Variants in ST8SIA1 observed in about 807,000 individuals in gnomAD.
The protein encoded by ST8SIA1 is ST8 alpha-N-acetyl-neuraminide alpha-2,8-sialyltransferase 1.
ST8SIA1 carries 16 observed loss-of-function variants against 35.9 expected under a neutral mutation model. The ratio of observed to expected loss-of-function variants is 0.45; its 90% CI spans 0.30 to 0.68. The LOEUF is 0.68. ST8SIA1 is among the 30% of genes least tolerant of loss of function. The probability of loss-of-function intolerance (pLI) is 0.09; values close to 1 mark genes in which losing one functional copy is unlikely to be tolerated. For missense variants in ST8SIA1, 383 were observed against 453.6 expected (o/e 0.84, Z 1.41); for synonymous variants, 170 against 169.6 (o/e 1.00, Z -0.02).
intron 2 of ST8SIA1, among the ~76,000 whole-genome samples, chr12:22,280,625 C>G (rs956701839): frequency 2.0e-5 from 3 of 152,194 alleles, no homozygotes; most frequent in African/African-American, 7.2e-5. Flanking sequence ...CATAGACAAC[C>G]TGCAAATTTT....
intron 4 of ST8SIA1, among the ~76,000 whole-genome samples, chr12:22,206,255 A>C (rs909370786): frequency 6.6e-6 from 1 of 152,206 alleles, no homozygotes; most frequent in Non-Finnish European, 1.5e-5. Context: ...ACCTCAAAAA[A>C]ACAGACAGTT....
In ST8SIA1 at chr12:22,198,459, C is replaced by A. The variant is rs1865013067; in HGVS notation, c.*3093G>T. 1 of 150,688 alleles carries A rather than the reference C, an allele frequency of 6.6e-6. No individual in the cohort carries two copies. The highest frequency in any genetic ancestry group is 1.5e-5 in the Non-Finnish European group (1 of 67,730). 9.3% of individuals were successfully genotyped at this position (150,688 alleles called of 1,614,324 possible). A position where few individuals can be genotyped will look rare whatever the true frequency, so the allele number is the denominator to read the frequency against. On this transcript the variant is annotated 3_prime_UTR_variant, in exon 5 of 5. Coordinates refer to ENST00000396037, the MANE Select transcript of ST8SIA1 (RefSeq NM_003034.4). ...TTCCAGAGCACTCTACAGGATGATT[C>A]TAGCGAGGTCCTTACTTAGGAACAC...
intron 1 of ST8SIA1, chr12:22,325,407 G>A (rs1237074762): frequency 1.4e-6 from 1 of 701,094 alleles, no homozygotes; most frequent in South Asian, 1.5e-5. Flanking sequence ...CACCTAATTA[G>A]AGCGACACAG....
At chr12:22,272,629 G>A (rs540470992) in intron 2 of ST8SIA1, among the ~76,000 whole-genome samples, 1 of 152,206 alleles carries the variant, frequency 6.6e-6, no homozygotes, top group Non-Finnish European at 1.5e-5. Context: ...AAAGATACTG[G>A]TATTATAATA....
intron 1 of ST8SIA1, among the ~76,000 whole-genome samples, chr12:22,321,752 C>T (rs1866605083): frequency 6.6e-6 from 1 of 152,166 alleles, no homozygotes; most frequent in Non-Finnish European, 1.5e-5. Context: ...TATTAGGAAA[C>T]AATAAAGTGA....
intron 1 of ST8SIA1, 106 bp downstream of exon 1, chr12:22,333,891 G>A: frequency 2.1e-6 from 2 of 964,204 alleles, no homozygotes; most frequent in South Asian, 1.3e-5. Flanking sequence ...CGGATGAAAG[G>A]GATGCCTCTG....
intron 4 of ST8SIA1, chr12:22,223,795 C>T: frequency 2.4e-6 from 3 of 1,250,750 alleles, no homozygotes; most frequent in Non-Finnish European, 3.1e-6. Flanking sequence ...CCCATTTATG[C>T]TTAGGCTAGT....
chr12:22,252,367 C>T (rs1170383846), intron 3 of ST8SIA1, among the ~76,000 whole-genome samples: 1 of 151,998 alleles, frequency 6.6e-6, no homozygotes, highest in Non-Finnish European at 1.5e-5. Context: ...TATAATATCT[C>T]GATACATTAA....
chr12:22,222,872 T>G (rs1475368272), intron 4 of ST8SIA1, among the ~76,000 whole-genome samples: 1 of 152,112 alleles, frequency 6.6e-6, no homozygotes, highest in East Asian at 1.9e-4. Flanking sequence ...TAAATTCCAG[T>G]CTAAATGACT....
intron 1 of ST8SIA1, among the ~76,000 whole-genome samples, chr12:22,307,357 C>T (rs950335405): frequency 6.6e-6 from 1 of 152,128 alleles, no homozygotes; most frequent in African/African-American, 2.4e-5. Flanking sequence ...AGAAACCCTC[C>T]AATATCTTGG....
rs186463455 is a variant in ST8SIA1, at chr12:22,209,803, T to C, written c.585-7765A>G. ...TTTATATTTTCTTCCTCAGATATAT[T>C]TTAATATACATCTTTACTGTCTCTG... On this transcript the variant is annotated intron_variant, in intron 4 of 4. Coordinates refer to ENST00000396037, the MANE Select transcript of ST8SIA1 (RefSeq NM_003034.4). Among the ~76,000 whole-genome samples the C allele has an allele frequency of 4.8e-4, 73 of 152,328 alleles. No homozygotes were observed. The East Asian group carries it at 7.1e-3, about 15-fold the overall frequency.
At position 22,200,567 on chromosome 12, in the gene ST8SIA1, A is replaced by AT. The variant is rs143214660; in HGVS notation, c.*984dup. On this transcript the variant is annotated 3_prime_UTR_variant, in exon 5 of 5. Coordinates refer to ENST00000396037, the MANE Select transcript of ST8SIA1 (RefSeq NM_003034.4). ...GCTCAATTCATTCTTGCATGTATGC[A>AT]TACATGTCCTTTACCTTGCAGTGAA... 5.9e-5 allele frequency: 9 copies of AT among 152,382 alleles called. No individual in the cohort carries two copies. In the East Asian group the frequency reaches 1.7e-3, roughly 29 times the overall value. 9.4% of individuals were successfully genotyped at this position (152,382 alleles called of 1,614,324 possible).
chr12:22,277,706 C>T (rs1271743214), intron 2 of ST8SIA1, among the ~76,000 whole-genome samples: 2 of 152,054 alleles, frequency 1.3e-5, no homozygotes, highest in Admixed American at 6.6e-5. Flanking sequence ...GTATAGATAA[C>T]AGATGATAAA....
intron 2 of ST8SIA1, among the ~76,000 whole-genome samples, chr12:22,266,820 C>T (rs1240709586): frequency 6.7e-6 from 1 of 149,384 alleles, no homozygotes; most frequent in Non-Finnish European, 1.5e-5. Flanking sequence ...TGTACACATA[C>T]TCACACCCAC....
rs1866110332 is a variant in ST8SIA1, at chr12:22,287,164, G to A, written c.366C>T (p.Tyr122=). 2 of 1,613,980 alleles carry A rather than the reference G, an allele frequency of 1.2e-6. No homozygotes were observed. Among genetic ancestry groups the A allele is most frequent in the Non-Finnish European group, 1.7e-6 (2 of 1,179,884 alleles). The change falls in exon 2 of 5, where the codon TAC becomes TAT. Residue 122 remains tyrosine, a synonymous_variant. Coordinates refer to ENST00000396037, the MANE Select transcript of ST8SIA1 (RefSeq NM_003034.4). ...LYSFTIDNST[Y]SLFPQATPFQ... is the part of the protein sequence containing the mutation. ...CTATACTAACCTGTGGGAAGAGAGA[G>A]TAAGTTGAATTGTCAATGGTGAATG...
intron 4 of ST8SIA1, among the ~76,000 whole-genome samples, chr12:22,244,939 T>C (rs1865582799): frequency 6.6e-6 from 1 of 152,206 alleles, no homozygotes; most frequent in African/African-American, 2.4e-5. Context: ...CTGTCATATA[T>C]ACTGGTTTAT....
chr12:22,211,098 AAATTT>A (rs1865170945), intron 4 of ST8SIA1, among the ~76,000 whole-genome samples: 1 of 152,224 alleles, frequency 6.6e-6, no homozygotes, highest in Admixed American at 6.5e-5. Context: ...AAACTCTGTT[AAATTT>A]AATTTGTCTA....
chr12:22,267,195 T>G (rs1865859482), intron 2 of ST8SIA1, among the ~76,000 whole-genome samples: 1 of 152,208 alleles, frequency 6.6e-6, no homozygotes, highest in African/African-American at 2.4e-5. Context: ...GGCATCCATT[T>G]TGTTTTCAAC....
At chr12:22,264,046 C>G (rs1865820037) in intron 2 of ST8SIA1, among the ~76,000 whole-genome samples, 1 of 152,056 alleles carries the variant, frequency 6.6e-6, no homozygotes, top group African/African-American at 2.4e-5. Context: ...ATACCCTCAC[C>G]CACGTATCCT....
Sources: allele counts gnomAD v4.1 joint callset (sites outside exome capture counted in the v4.1 genomes callset), GRCh38; gene constraint gnomAD v4.1.1; transcripts MANE v1.5; gene names NCBI Gene and HGNC (gene_info 2026-07-23, HGNC 2026-07-21).